Variants in LAMA2 observed in about 807,000 individuals in gnomAD.
The protein encoded by LAMA2 is laminin subunit alpha-2.
In LAMA2, 269 loss-of-function variants were observed where a neutral mutation model predicts 364.8. That is an observed-to-expected ratio of 0.74 (90% CI 0.67 to 0.82). LAMA2 has a LOEUF of 0.82. Among genes scored for constraint, LAMA2 ranks in the 40% least tolerant of loss-of-function variants. The pLI is 0.00. For synonymous variants in LAMA2, 1,379 were observed against 1,370.6 expected, an observed-to-expected ratio of 1.01 and a Z score of -0.14; for missense variants, 3,807 against 3,873.2, an observed-to-expected ratio of 0.98 and a Z score of 0.45.
At chr6:129,187,186 T>C (rs998504561) in intron 10 of LAMA2, among the ~76,000 whole-genome samples, 1 of 151,826 alleles carries the variant, frequency 6.6e-6, no homozygotes, top group South Asian at 2.1e-4. Context: ...GGCTGACTCA[T>C]GGATGACAAT....
intron 35 of LAMA2, among the ~76,000 whole-genome samples, chr6:129,390,670 T>C (rs1046921870): frequency 1.3e-5 from 2 of 152,144 alleles, no homozygotes; most frequent in Admixed American, 1.3e-4. Context: ...AACTTTAGTC[T>C]AAAACTAATA....
At chr6:129,392,133 T>A (rs2114672997) in intron 36 of LAMA2, among the ~76,000 whole-genome samples, 1 of 152,290 alleles carries the variant, frequency 6.6e-6, no homozygotes, top group Non-Finnish European at 1.5e-5. Context: ...AGTCATCAAA[T>A]AATAAACACC....
At chr6:128,892,029 A>G (rs1199232596) in intron 1 of LAMA2, among the ~76,000 whole-genome samples, 1 of 152,092 alleles carries the variant, frequency 6.6e-6, no homozygotes, top group Non-Finnish European at 1.5e-5. Context: ...GTTAGATAAT[A>G]AATGTGAAAA....
At chr6:129,146,858 A>T in intron 5 of LAMA2, 101 bp from the exon 6 acceptor site, 1 of 808,208 alleles carries the variant, frequency 1.2e-6, no homozygotes, top group Non-Finnish European at 2.2e-6. Flanking sequence ...CTTCAAACTA[A>T]GGATAAAAGC....
At chr6:129,446,187 G>A (rs920485450) in intron 45 of LAMA2, among the ~76,000 whole-genome samples, 2 of 151,784 alleles carry the variant, frequency 1.3e-5, no homozygotes, top group South Asian at 4.2e-4. Context: ...AAAAAAAAAG[G>A]CCAACTAATG....
chr6:128,975,620 G>T (rs1315044728), intron 1 of LAMA2, among the ~76,000 whole-genome samples: 1 of 152,146 alleles, frequency 6.6e-6, no homozygotes, highest in African/African-American at 2.4e-5. Flanking sequence ...GACCTGGAGG[G>T]AGGCAATTCA....
At chr6:129,211,736 TC>T (rs755580272) in intron 12 of LAMA2, among the ~76,000 whole-genome samples, 22 of 152,128 alleles carry the variant, frequency 1.4e-4, no homozygotes, top group Non-Finnish European at 2.5e-4. Context: ...AATCACCCTA[TC>T]CCCCAGCTCT....
In LAMA2 at chr6:129,353,188, TC is replaced by T. The variant is rs1776952603; in HGVS notation, c.4550del (p.Pro1517GlnfsTer78). 6.2e-7 allele frequency: 1 copy of T among 1,613,866 alleles called. No homozygotes were observed. Among genetic ancestry groups the T allele is most frequent in the African/African-American group, 1.3e-5 (1 of 75,020 alleles). On this transcript the variant is annotated frameshift_variant, in exon 32 of 65. Transcript: ENST00000421865. LOFTEE classifies it high-confidence loss of function. ...GGTGTGCCCCTGGCTATACTGGCAG[TC>T]CAGGCAACCCTGGAGGCTCCTGCCA... Reference protein sequence around the residue: ...ERCAPGYTGSPGNPGGSCQEC... With the variant: ...ERCAPGYTGSXGNPGGSCQEC...
At chr6:129,206,848 T>A (rs1261931617) in intron 12 of LAMA2, among the ~76,000 whole-genome samples, 1 of 152,236 alleles carries the variant, frequency 6.6e-6, no homozygotes, top group Admixed American at 6.5e-5. Flanking sequence ...ACAGGTAGTT[T>A]GTTGGGTGAT....
Position 129,267,953 on chromosome 6 carries a change from T to TGTTC in LAMA2, c.2322+734_2322+735insGTTC, listed in dbSNP as rs1343912787. Among the ~76,000 whole-genome samples, 6 of 152,244 alleles carry TGTTC rather than the reference T, an allele frequency of 3.9e-5. No individual in the cohort carries two copies. In the South Asian group the frequency reaches 6.2e-4, roughly 16 times the overall value. ...GAAACAACACTTCTCCTTTCATTAGTCTTGCAGAAACACAATTTAAAATGG... is the reference window on the plus strand; with the variant it reads ...GAAACAACACTTCTCCTTTCATTAGTGTTCCTTGCAGAAACACAATTTAAAATGG... On this transcript the variant is annotated intron_variant, in intron 16 of 64. Transcript: ENST00000421865.
rs567738575 is a variant in LAMA2 at position 129,288,125 on chromosome 6, T to C, written c.2749+67T>C. The C allele has an allele frequency of 3.0e-6, 4 of 1,344,820 alleles. No homozygotes were observed. In the East Asian group the frequency reaches 9.2e-5, roughly 31 times the overall value. 83.3% of individuals were successfully genotyped at this position (1,344,820 alleles called of 1,614,324 possible). On this transcript the variant is annotated intron_variant, in intron 19 of 64. Coordinates refer to ENST00000421865, the MANE Select transcript of LAMA2 (RefSeq NM_000426.4). ...TTGTACCTCAAAGTAGCTGATGAGT[T>C]CTTGAGTGTGGATTGAAGAGTAGGA...
At chr6:129,394,506 C>A (rs757833512) in intron 37 of LAMA2, among the ~76,000 whole-genome samples, 1 of 152,144 alleles carries the variant, frequency 6.6e-6, no homozygotes, top group East Asian at 1.9e-4. Flanking sequence ...AAGAGGCTTA[C>A]TTTTTTTCTT....
intron 1 of LAMA2, among the ~76,000 whole-genome samples, chr6:128,890,423 C>T (rs888638935): frequency 1.3e-5 from 2 of 151,586 alleles, no homozygotes; most frequent in Non-Finnish European, 2.9e-5. Flanking sequence ...ATAAAATACC[C>T]TGAGGAAAAA....
intron 1 of LAMA2, among the ~76,000 whole-genome samples, chr6:129,007,826 T>C (rs868676939): frequency 6.6e-6 from 1 of 152,222 alleles, no homozygotes; most frequent in African/African-American, 2.4e-5. Context: ...CACACTGTAT[T>C]GTCAGTAAAA....
At chr6:129,328,128 T>TG in intron 28 of LAMA2, 150 bp from the exon 29 acceptor site, 1 of 734,930 alleles carries the variant, frequency 1.4e-6, no homozygotes, top group Non-Finnish European at 2.5e-6. Context: ...ACACATTAAG[T>TG]ATCAAAATCG....
At chr6:128,959,032 A>C (rs1781320013) in intron 1 of LAMA2, among the ~76,000 whole-genome samples, 1 of 152,172 alleles carries the variant, frequency 6.6e-6, no homozygotes, top group Non-Finnish European at 1.5e-5. Flanking sequence ...CATTGTTAAA[A>C]CCATATAAAT....
At chr6:129,367,426 G>C (rs1470157603) in intron 33 of LAMA2, among the ~76,000 whole-genome samples, 1 of 152,116 alleles carries the variant, frequency 6.6e-6, no homozygotes. Flanking sequence ...AATACATAAT[G>C]ACCATGTGTT....
Position 129,078,375 on chromosome 6 carries a change from T to G in LAMA2, c.396+18479T>G, listed in dbSNP as rs148014480. ...GTCTTGAACTCCTGACCTTAAGTGG[T>G]CTGCCCATGTCAGCCTCCCAAAGTG... On this transcript the variant is annotated intron_variant, in intron 3 of 64. Transcript: ENST00000421865. 6.1e-3 allele frequency among the ~76,000 whole-genome samples: 922 copies of G among 152,208 alleles called. 8 individuals carry two copies. The highest frequency in any genetic ancestry group is 0.011 in the Non-Finnish European group (745 of 68,016).
At chr6:128,919,322 A>G (rs1198182787) in intron 1 of LAMA2, among the ~76,000 whole-genome samples, 1 of 152,228 alleles carries the variant, frequency 6.6e-6, no homozygotes, top group Non-Finnish European at 1.5e-5. Context: ...TTAAACTTTA[A>G]TGTATAACTT....
Sources: allele counts gnomAD v4.1 joint callset (sites outside exome capture counted in the v4.1 genomes callset), GRCh38; gene constraint gnomAD v4.1.1; transcripts MANE v1.5; gene names NCBI Gene and HGNC (gene_info 2026-07-23, HGNC 2026-07-21).